PACSIN3: variants seen among roughly 807,000 people sequenced by gnomAD.
The protein encoded by PACSIN3 is protein kinase C and casein kinase substrate in neurons 3.
Under a neutral mutation model 56.1 loss-of-function variants are expected in PACSIN3, and 34 were observed. That is an observed-to-expected ratio of 0.61 (90% CI 0.46 to 0.81). The LOEUF (loss-of-function observed/expected upper bound fraction) is 0.81, where lower values mean the gene tolerates loss of function less well. Among genes scored for constraint, PACSIN3 ranks in the 30% least tolerant of loss-of-function variants. The pLI is 0.00. For missense variants in PACSIN3, 535 were observed against 592.4 expected, an observed-to-expected ratio of 0.90 and a Z score of 1.01; for synonymous variants, 218 against 229.8, an observed-to-expected ratio of 0.95 and a Z score of 0.46.
Position 47,178,249 on chromosome 11 carries a change from A to C in PACSIN3, c.1159+117T>G. 4 of 1,391,636 alleles carry C rather than the reference A, an allele frequency of 2.9e-6. No individual in the cohort carries two copies. The highest frequency in any genetic ancestry group is 2.9e-5 in the African/African-American group (2 of 69,842). 86.2% of individuals were successfully genotyped at this position (1,391,636 alleles called of 1,614,324 possible). ...CAGGCACCAGCTATCTGGACCTGGAACAGCTGAAGGGACAGAGGACTGGCC... is the reference window on the plus strand; with the variant it reads ...CAGGCACCAGCTATCTGGACCTGGACCAGCTGAAGGGACAGAGGACTGGCC... On this transcript the variant is annotated intron_variant, in intron 10 of 10. Transcript: ENST00000298838. This position sits in a 1 kb window ranked among gnomAD's most constrained non-coding sequence, Gnocchi z 4.2.
chr11:47,184,589 T>C (rs1472833446), intron 1 of PACSIN3: 1 of 152,220 alleles, frequency 6.6e-6, no homozygotes, highest in Non-Finnish European at 1.5e-5. Context: ...GTGGGAATGC[T>C]TGGTCCAAGT....
chr11:47,183,507 C>T (rs1177134880), intron 1 of PACSIN3, among the ~76,000 whole-genome samples: 1 of 152,236 alleles, frequency 6.6e-6, no homozygotes, highest in Non-Finnish European at 1.5e-5. Flanking sequence ...GATGGAACTC[C>T]TCTGTGTGCT....
At chr11:47,183,782 G>A (rs1953072369) in intron 1 of PACSIN3, among the ~76,000 whole-genome samples, 1 of 152,184 alleles carries the variant, frequency 6.6e-6, no homozygotes, top group African/African-American at 2.4e-5. Context: ...AGCACTTTGG[G>A]AGACTGAGGT....
At chr11:47,181,762 G>A (rs913961080) in intron 4 of PACSIN3, among the ~76,000 whole-genome samples, 18 of 152,252 alleles carry the variant, frequency 1.2e-4, no homozygotes, top group African/African-American at 4.3e-4. Context: ...TCAGTTGAGC[G>A]TGGGAGAGGG....
chr11:47,177,818 G>T lies in PACSIN3; in HGVS notation c.*113C>A. The T allele has an allele frequency of 1.2e-6, 1 of 816,454 alleles. No individual in the cohort carries two copies. Among genetic ancestry groups the T allele is most frequent in the Non-Finnish European group, 2.1e-6 (1 of 480,678 alleles). 50.6% of individuals were successfully genotyped at this position (816,454 alleles called of 1,614,324 possible). A position where few individuals can be genotyped will look rare whatever the true frequency, so the allele number is the denominator to read the frequency against. Reference sequence around the variant, plus strand: ...GGTCCCAGGACTTCCTCCCTCAAGGGACAGAGGAGCAGCCAGAGAGCGACG... The same window carrying T: ...GGTCCCAGGACTTCCTCCCTCAAGGTACAGAGGAGCAGCCAGAGAGCGACG... On this transcript the variant is annotated 3_prime_UTR_variant, in exon 11 of 11. Transcript: ENST00000298838.
rs200875557 is a variant in PACSIN3, at chr11:47,179,487, C to T, written c.703G>A (p.Glu235Lys). 9 of 1,613,974 alleles carry T rather than the reference C, an allele frequency of 5.6e-6. No individual in the cohort carries two copies. In the Admixed American group the frequency reaches 1.0e-4, roughly 18 times the overall value. The part of the protein sequence containing the change: ...EQAFETCQAA[E>K]RQRLLFFKDM... The stretch of plus-strand genomic sequence containing the variant: ...TTGAAGAAAAGAAGCCGCTGGCGCT[C>T]GGCGGCCTGGCAGGTCTCAAAGGCC... The change falls in exon 7 of 11, where the codon GAG becomes AAG. Residue 235 changes from glutamate to lysine, a missense_variant. Transcript: ENST00000298838. The surrounding 1 kb of genome is among the most constrained non-coding windows in gnomAD (Gnocchi z 4.4).
chr11:47,186,067 G>A lies in PACSIN3; in HGVS notation c.-104+282C>T, dbSNP rs1207771774. 1.3e-5 allele frequency among the ~76,000 whole-genome samples: 2 copies of A among 152,022 alleles called. No homozygotes were observed. The highest frequency in any genetic ancestry group is 4.8e-5 in the African/African-American group (2 of 41,420). On this transcript the variant is annotated intron_variant, in intron 1 of 10. Transcript: ENST00000298838. This position sits in a 1 kb window ranked among gnomAD's most constrained non-coding sequence, Gnocchi z 4.5. The stretch of plus-strand genomic sequence containing the variant: ...CCTCGGGGCGGGCGCGAGGCGAGCG[G>A]ACGGGGGCCCTCGAGGGGCCCCTGA...
At position 47,178,073 on chromosome 11, in the gene PACSIN3, C is replaced by T. The variant is rs991924771; in HGVS notation, c.1160-27G>A. ...TGGGGGAAAGGGGATTGGTCACTGC[C>T]AGTGGCCCTGGCCCAGGCCCTGTTC... On this transcript the variant is annotated intron_variant, in intron 10 of 10. Transcript: ENST00000298838. The surrounding 1 kb of genome is among the most constrained non-coding windows in gnomAD (Gnocchi z 4.2). The T allele has an allele frequency of 1.2e-5, 19 of 1,589,494 alleles. No homozygotes were observed. Among genetic ancestry groups the T allele is most frequent in the South Asian group, 4.4e-5 (4 of 90,172 alleles).
At chr11:47,180,079 A>G in intron 6 of PACSIN3, 107 bp downstream of exon 6, 1 of 978,520 alleles carries the variant, frequency 1.0e-6, no homozygotes, top group Non-Finnish European at 1.5e-6. Flanking sequence ...CAGGTGAGGA[A>G]TAGGGTAATA....
chr11:47,180,521 G>C lies in PACSIN3; in HGVS notation c.381C>G (p.Arg127=). 1.2e-6 allele frequency: 2 copies of C among 1,603,648 alleles called. No individual in the cohort carries two copies. The highest frequency in any genetic ancestry group is 1.7e-5 in the Admixed American group (1 of 59,956). ...AFHRPVLGGF[R]ESRAAEDGFR... Reference sequence around the variant, plus strand: ...AGCCGTCCTCGGCCGCCCGGCTCTCGCGGAAGCCGCCCAGCACAGGCCGGT... The same window carrying C: ...AGCCGTCCTCGGCCGCCCGGCTCTCCCGGAAGCCGCCCAGCACAGGCCGGT... Residue 127 remains arginine, a synonymous_variant, in exon 5 of 11, where the codon CGC becomes CGG. Transcript: ENST00000298838.
Position 47,182,440 on chromosome 11 carries a change from A to G in PACSIN3, c.174T>C (p.Ala58=). 6.2e-7 allele frequency: 1 copy of G among 1,601,958 alleles called. No individual in the cohort carries two copies. The part of the protein sequence containing the change: ...RIEKAYAQQL[A]DWARKWRGTV... ...TCCCCCTCCACTTTCGGGCCCAGTC[A>G]GCCAACTGCTGGGCATAAGCCTTCT... is the stretch of plus-strand genomic sequence containing the variant. The change falls in exon 4 of 11, where the codon GCT becomes GCC. Residue 58 remains alanine, a synonymous_variant. Transcript: ENST00000298838.
At chr11:47,180,077 G>C (rs1328139908) in intron 6 of PACSIN3, 109 bp downstream of exon 6, 3 of 983,498 alleles carry the variant, frequency 3.1e-6, no homozygotes, top group Non-Finnish European at 3.1e-6. Context: ...GGCAGGTGAG[G>C]AATAGGGTAA....
chr11:47,180,677 G>T lies in PACSIN3; in HGVS notation c.225C>A (p.Gly75=), dbSNP rs970342161. 4 of 1,598,686 alleles carry T rather than the reference G, an allele frequency of 2.5e-6. No homozygotes were observed. The Admixed American group carries it at 5.0e-5, about 20-fold the overall frequency. Residue 75 remains glycine, a synonymous_variant, in exon 5 of 11, where the codon GGC becomes GGA. Coordinates refer to ENST00000298838, the MANE Select transcript of PACSIN3 (RefSeq NM_016223.5). ...RGTVEKGPQY[G]TLEKAWHAFF... is the part of the protein sequence containing the mutation. The stretch of plus-strand genomic sequence containing the variant: ...AGGCATGCCAGGCCTTCTCCAGTGT[G>T]CCATACTGGGGGCCTGCAGGGAGGG...
chr11:47,178,566 G>C lies in PACSIN3; in HGVS notation c.1038-79C>G. On this transcript the variant is annotated intron_variant, in intron 9 of 10. Coordinates refer to ENST00000298838, the MANE Select transcript of PACSIN3 (RefSeq NM_016223.5). The surrounding 1 kb of genome is among the most constrained non-coding windows in gnomAD (Gnocchi z 4.2). Reference sequence around the variant, plus strand: ...AGATCTCACCCAGGATCAGGGCAAAGGCCTCCCTACCCCCAGAGGCACCTG... The same window carrying C: ...AGATCTCACCCAGGATCAGGGCAAACGCCTCCCTACCCCCAGAGGCACCTG... 2 of 1,543,530 alleles carry C rather than the reference G, an allele frequency of 1.3e-6. No individual in the cohort carries two copies. Among genetic ancestry groups the C allele is most frequent in the South Asian group, 2.4e-5 (2 of 83,690 alleles).
chr11:47,181,840 AAAAT>A (rs751372128), intron 4 of PACSIN3, among the ~76,000 whole-genome samples: 6 of 151,988 alleles, frequency 3.9e-5, no homozygotes, highest in South Asian at 2.1e-4. Flanking sequence ...ACCCTGTCTC[AAAAT>A]AAATAAATAA....
chr11:47,178,247 GA>G lies in PACSIN3; in HGVS notation c.1159+118del. ...ACCAGGCACCAGCTATCTGGACCTGGAACAGCTGAAGGGACAGAGGACTGGC... is the reference window on the plus strand; with the variant it reads ...ACCAGGCACCAGCTATCTGGACCTGGACAGCTGAAGGGACAGAGGACTGGC... On this transcript the variant is annotated intron_variant, in intron 10 of 10. Transcript: ENST00000298838. The surrounding 1 kb of genome is among the most constrained non-coding windows in gnomAD (Gnocchi z 4.2). 1 of 1,405,492 alleles carries G rather than the reference GA, an allele frequency of 7.1e-7. No individual in the cohort carries two copies. Among genetic ancestry groups the G allele is most frequent in the South Asian group, 1.3e-5 (1 of 78,162 alleles). 87.1% of individuals were successfully genotyped at this position (1,405,492 alleles called of 1,614,324 possible).
chr11:47,184,140 G>A (rs1334436977), intron 1 of PACSIN3, among the ~76,000 whole-genome samples: 1 of 152,202 alleles, frequency 6.6e-6, no homozygotes, highest in African/African-American at 2.4e-5. Context: ...CTCTGGGCAG[G>A]GTCTCAGCTG....
At position 47,178,134 on chromosome 11, in the gene PACSIN3, G is replaced by A; in HGVS notation, c.1160-88C>T. On this transcript the variant is annotated intron_variant, in intron 10 of 10. Transcript: ENST00000298838. This position sits in a 1 kb window ranked among gnomAD's most constrained non-coding sequence, Gnocchi z 4.2. The stretch of plus-strand genomic sequence containing the variant: ...GTCAAGGACTGAGGGGGATGGTGTG[G>A]TCCCAGAGCCCAGCTAGCAAAGACA... 7.8e-7 allele frequency: 1 copy of A among 1,285,206 alleles called. No homozygotes were observed. The highest frequency in any genetic ancestry group is 1.1e-6 in the Non-Finnish European group (1 of 910,030). 79.6% of individuals were successfully genotyped at this position (1,285,206 alleles called of 1,614,324 possible).
Position 47,179,606 on chromosome 11 carries a change from C to G in PACSIN3, c.604-20G>C. On this transcript the variant is annotated intron_variant, in intron 6 of 10. Transcript: ENST00000298838. The surrounding 1 kb of genome is among the most constrained non-coding windows in gnomAD (Gnocchi z 4.4). ...TTTTGTCTGGGTGGGAGAGGAGGGG[C>G]CTGGTGAGAACCAGACCTTCTTCCA... The G allele has an allele frequency of 6.2e-7, 1 of 1,608,594 alleles. No homozygotes were observed. Among genetic ancestry groups the G allele is most frequent in the Non-Finnish European group, 8.5e-7 (1 of 1,178,956 alleles).
Sources: allele counts gnomAD v4.1 joint callset (sites outside exome capture counted in the v4.1 genomes callset), GRCh38; gene constraint gnomAD v4.1.1; non-coding constraint Gnocchi (gnomAD v3.1); transcripts MANE v1.5; gene names NCBI Gene and HGNC (gene_info 2026-07-23, HGNC 2026-07-21).